Variants in SLC25A26 observed in about 807,000 individuals in gnomAD.
SLC25A26 encodes the protein mitochondrial S-adenosylmethionine carrier protein.
In SLC25A26, 36 loss-of-function variants were observed where a neutral mutation model predicts 37.8. The ratio of observed to expected loss-of-function variants is 0.95; its 90% CI spans 0.73 to 1.26. The LOEUF is 1.26. SLC25A26 is among the 50% of genes most tolerant of loss of function. SLC25A26 has a pLI of 0.00. For synonymous variants in SLC25A26, 129 were observed against 122.5 expected, an observed-to-expected ratio of 1.05 and a Z score of -0.35; for missense variants, 390 against 331.1, an observed-to-expected ratio of 1.18 and a Z score of -1.38.
chr3:66,343,621 C>T (rs934183356), intron 5 of SLC25A26, among the ~76,000 whole-genome samples: 18 of 152,082 alleles, frequency 1.2e-4, no homozygotes, highest in African/African-American at 3.6e-4. Flanking sequence ...TATTAAGTAC[C>T]AAGTAAGAGC....
chr3:66,172,165 C>T (rs191730865), intron 1 of SLC25A26, among the ~76,000 whole-genome samples: 1 of 152,080 alleles, frequency 6.6e-6, no homozygotes, highest in Admixed American at 6.5e-5. Flanking sequence ...AATCTTAGCA[C>T]TTTAGAAGGT....
Position 66,348,648 on chromosome 3 carries a change from G to A in SLC25A26, c.498+2240G>A, listed in dbSNP as rs374389583. Among the ~76,000 whole-genome samples, 71 of 152,232 alleles carry A rather than the reference G, an allele frequency of 4.7e-4. No individual in the cohort carries two copies. In the South Asian group the frequency reaches 0.014, roughly 31 times the overall value. ...TAAATTGTTGAGGTATATACTAAAGGATACTAAATTGAGAAAAAACATTAC... is the reference window on the plus strand; with the variant it reads ...TAAATTGTTGAGGTATATACTAAAGAATACTAAATTGAGAAAAAACATTAC... On this transcript the variant is annotated intron_variant, in intron 6 of 9. Coordinates refer to ENST00000354883, the MANE Select transcript of SLC25A26 (RefSeq NM_001379210.1).
At chr3:66,174,859 A>T (rs2070554769) in intron 1 of SLC25A26, among the ~76,000 whole-genome samples, 1 of 151,528 alleles carries the variant, frequency 6.6e-6, no homozygotes, top group South Asian at 2.1e-4. Context: ...TGCTATGCAG[A>T]GGATGCCACT....
chr3:66,220,725 C>T, upstream of SLC25A26: 1 of 339,298 alleles, frequency 2.9e-6, no homozygotes, highest in Non-Finnish European at 5.4e-6. Context: ...ACAGCCACGC[C>T]TCTTCTGGGT....
chr3:66,185,290 CT>C, intron 1 of SLC25A26, among the ~76,000 whole-genome samples: 1 of 152,266 alleles, frequency 6.6e-6, no homozygotes, highest in Non-Finnish European at 1.5e-5. Context: ...TCAGAATTCC[CT>C]TCCTTTTTAA....
chr3:66,197,295 G>T (rs2071057483), intron 1 of SLC25A26, among the ~76,000 whole-genome samples: 1 of 152,114 alleles, frequency 6.6e-6, no homozygotes. Context: ...GAGTCTGTAT[G>T]AGGATAGGCA....
At chr3:66,198,963 C>A (rs2071079100) in intron 1 of SLC25A26, among the ~76,000 whole-genome samples, 3 of 151,846 alleles carry the variant, frequency 2.0e-5, no homozygotes, top group South Asian at 4.2e-4. Context: ...TGGCACTGAC[C>A]CTCCATGTGA....
intron 5 of SLC25A26, among the ~76,000 whole-genome samples, chr3:66,300,983 G>T (rs532933882): frequency 6.6e-6 from 1 of 152,070 alleles, no homozygotes; most frequent in Non-Finnish European, 1.5e-5. Flanking sequence ...AAAATACTTT[G>T]TTGCTTTTTA....
intron 1 of SLC25A26, among the ~76,000 whole-genome samples, chr3:66,209,911 TATATATATATATATATATA>T (rs2071259939): frequency 3.6e-5 from 1 of 27,450 alleles, no homozygotes; most frequent in African/African-American, 1.2e-4. Context: ...TATATATATA[TATATATATATATATATATA>T]TATATATATA....
chr3:66,215,730 A>G (rs1368914437), intron 1 of SLC25A26, among the ~76,000 whole-genome samples: 2 of 152,190 alleles, frequency 1.3e-5, no homozygotes, highest in African/African-American at 2.4e-5. Flanking sequence ...AAATTTTTTC[A>G]TTTGACTTTC....
At chr3:66,316,291 C>T (rs1451015241) in intron 5 of SLC25A26, among the ~76,000 whole-genome samples, 1 of 152,318 alleles carries the variant, frequency 6.6e-6, no homozygotes, top group Admixed American at 6.5e-5. Context: ...CCTTCAGGAA[C>T]TCTTGCAAGG....
chr3:66,197,185 A>T (rs1465052775), intron 1 of SLC25A26, among the ~76,000 whole-genome samples: 2 of 152,160 alleles, frequency 1.3e-5, no homozygotes, highest in African/African-American at 4.8e-5. Flanking sequence ...TTTCAATATT[A>T]CTTCTGTTTG....
chr3:66,345,820 T>G (rs1208099570), intron 5 of SLC25A26, among the ~76,000 whole-genome samples: 1 of 152,192 alleles, frequency 6.6e-6, no homozygotes, highest in Non-Finnish European at 1.5e-5. Context: ...ATTTTGTCAT[T>G]TCAGTAGCCA....
At chr3:66,289,105 G>GT (rs2074615018) in intron 5 of SLC25A26, among the ~76,000 whole-genome samples, 1 of 152,038 alleles carries the variant, frequency 6.6e-6, no homozygotes, top group South Asian at 2.1e-4. Context: ...TCATATGTTT[G>GT]TTGGCCACAT....
chr3:66,254,890 T>C (rs1050826843), intron 3 of SLC25A26, among the ~76,000 whole-genome samples: 1 of 152,242 alleles, frequency 6.6e-6, no homozygotes, highest in Non-Finnish European at 1.5e-5. Context: ...GATGTAATGT[T>C]AATAAAAGGT....
upstream of SLC25A26, chr3:66,220,621 A>C (rs1576648198): frequency 6.3e-6 from 1 of 158,752 alleles, no homozygotes; most frequent in Admixed American, 6.5e-5. Flanking sequence ...TTTTTTGACA[A>C]AACTAAGAGA....
At chr3:66,158,314 C>T (rs574957060) in intron 1 of SLC25A26, among the ~76,000 whole-genome samples, 111 of 152,124 alleles carry the variant, frequency 7.3e-4, no homozygotes, top group African/African-American at 2.6e-3. Flanking sequence ...AATAATATTC[C>T]GTTGTATGCA....
intron 5 of SLC25A26, chr3:66,323,942 A>G (rs1010356086): frequency 6.6e-6 from 1 of 152,308 alleles, no homozygotes; most frequent in African/African-American, 2.4e-5. Flanking sequence ...TCTGGGCTGT[A>G]GAGCAGTATG....
intron 1 of SLC25A26, among the ~76,000 whole-genome samples, chr3:66,194,228 A>G (rs1342627102): frequency 1.3e-5 from 2 of 152,192 alleles, no homozygotes; most frequent in African/African-American, 4.8e-5. Flanking sequence ...AATGAATTAT[A>G]AATATGTTTT....
Sources: allele counts gnomAD v4.1 joint callset (sites outside exome capture counted in the v4.1 genomes callset), GRCh38; gene constraint gnomAD v4.1.1; transcripts MANE v1.5; gene names NCBI Gene and HGNC (gene_info 2026-07-23, HGNC 2026-07-21).